PCDH15: variants seen among roughly 807,000 people sequenced by gnomAD.
The protein encoded by PCDH15 is protocadherin related 15, also known as protocadherin-15.
PCDH15 carries 129 observed loss-of-function variants against 178.5 expected under a neutral mutation model. The ratio of observed to expected loss-of-function variants is 0.72; its 90% CI spans 0.63 to 0.84. The LOEUF (loss-of-function observed/expected upper bound fraction) is 0.84, where lower values mean the gene tolerates loss of function less well. Among genes scored for constraint, PCDH15 ranks in the 40% least tolerant of loss-of-function variants. The pLI is 0.00. For synonymous variants in PCDH15, 800 were observed against 732.0 expected, an observed-to-expected ratio of 1.09 and a Z score of -1.50; for missense variants, 2,230 against 2,099.9, an observed-to-expected ratio of 1.06 and a Z score of -1.21.
chr10:54,928,122 G>A (rs1591789182), intron 2 of PCDH15, among the ~76,000 whole-genome samples: 1 of 152,090 alleles, frequency 6.6e-6, no homozygotes, highest in East Asian at 1.9e-4. Context: ...CTCTTGTAAG[G>A]CAGGTCTGGT....
At chr10:55,252,860 C>A (rs1392275935) in intron 1 of PCDH15, among the ~76,000 whole-genome samples, 1 of 151,856 alleles carries the variant, frequency 6.6e-6, no homozygotes, top group Non-Finnish European at 1.5e-5. Flanking sequence ...ACTAAAGAAA[C>A]CTGTAAAATA....
chr10:54,315,944 GTTTGTTTGTT>G (rs1564944450), intron 8 of PCDH15, among the ~76,000 whole-genome samples: 1 of 127,402 alleles, frequency 7.8e-6, no homozygotes, highest in African/African-American at 3.0e-5. Context: ...TTTTTTGTTT[GTTTGTTTGTT>G]TTTGTTTTTG....
At chr10:55,302,953 C>A (rs536056021) in intron 1 of PCDH15, among the ~76,000 whole-genome samples, 36 of 152,180 alleles carry the variant, frequency 2.4e-4, no homozygotes, top group African/African-American at 8.7e-4. Context: ...GAGTGATCTT[C>A]ACTTATCTCC....
At chr10:55,290,262 G>A (rs776294624) in intron 1 of PCDH15, among the ~76,000 whole-genome samples, 1 of 151,784 alleles carries the variant, frequency 6.6e-6, no homozygotes, top group Non-Finnish European at 1.5e-5. Context: ...CTATAAATGT[G>A]TATATTCCTA....
At chr10:54,359,764 C>T (rs1309815662) in intron 5 of PCDH15, among the ~76,000 whole-genome samples, 2 of 151,802 alleles carry the variant, frequency 1.3e-5, no homozygotes, top group African/African-American at 4.8e-5. Context: ...TTTTGTGTGT[C>T]TGCTAATTGA....
At chr10:54,596,770 G>A (rs916617979) in intron 2 of PCDH15, among the ~76,000 whole-genome samples, 3 of 151,838 alleles carry the variant, frequency 2.0e-5, no homozygotes, top group Non-Finnish European at 4.4e-5. Context: ...CATGCAAAGA[G>A]AACACAGAAA....
chr10:54,363,049 T>C (rs1428009542), intron 5 of PCDH15, among the ~76,000 whole-genome samples: 6 of 152,108 alleles, frequency 3.9e-5, no homozygotes, highest in Admixed American at 1.3e-4. Flanking sequence ...CGTAGAAATA[T>C]ATATGTTATA....
At chr10:54,870,613 G>T (rs1210624174) in intron 3 of PCDH15, among the ~76,000 whole-genome samples, 1 of 151,614 alleles carries the variant, frequency 6.6e-6, no homozygotes, top group Admixed American at 6.6e-5. Context: ...GTGAAAACCC[G>T]TCTCTACTAA....
chr10:54,289,399 C>T (rs2132951376), intron 8 of PCDH15, among the ~76,000 whole-genome samples: 1 of 152,346 alleles, frequency 6.6e-6, no homozygotes, highest in Admixed American at 6.5e-5. Flanking sequence ...GGGTCACCAA[C>T]ATCAAAGACC....
At position 55,176,049 on chromosome 10, in the gene PCDH15, C is replaced by T. The variant is rs916772786; in HGVS notation, c.-155-9398G>A. ...CAAGCAGGACTGATGGGTCCAAGGG[C>T]TCCTCTCTCCAGCTCCGACGACTCA... On this transcript the variant is annotated intron_variant, in intron 1 of 5. Transcript: ENST00000458638. Among the ~76,000 whole-genome samples the T allele has an allele frequency of 2.1e-4, 32 of 152,130 alleles. No individual in the cohort carries two copies. In the East Asian group the frequency reaches 5.5e-3, roughly 26 times the overall value.
chr10:54,716,154 G>T (rs2095477355), intron 1 of PCDH15, among the ~76,000 whole-genome samples: 1 of 152,108 alleles, frequency 6.6e-6, no homozygotes, highest in African/African-American at 2.4e-5. Context: ...GGGTGGGCCT[G>T]CTCAGTCTGG....
At chr10:55,088,452 T>G (rs1221739670) in intron 2 of PCDH15, among the ~76,000 whole-genome samples, 1 of 151,900 alleles carries the variant, frequency 6.6e-6, no homozygotes, top group Non-Finnish European at 1.5e-5. Flanking sequence ...TGTATTTTTT[T>G]TAGTAAAGAT....
At chr10:55,332,805 C>A (rs778350355) in intron 2 of PCDH15, among the ~76,000 whole-genome samples, 1 of 152,148 alleles carries the variant, frequency 6.6e-6, no homozygotes, top group Non-Finnish European at 1.5e-5. Flanking sequence ...ATGTAAGACA[C>A]GCCTTTCGCC....
intron 3 of PCDH15, among the ~76,000 whole-genome samples, chr10:54,395,549 A>T (rs866181414): frequency 6.6e-6 from 1 of 152,032 alleles, no homozygotes; most frequent in Admixed American, 6.6e-5. Context: ...TCATTTAGAT[A>T]TAATTATAAT....
chr10:53,969,300 T>C (rs1046015104), intron 21 of PCDH15, among the ~76,000 whole-genome samples: 1 of 151,782 alleles, frequency 6.6e-6, no homozygotes, highest in Non-Finnish European at 1.5e-5. Context: ...AGAAGAGAAG[T>C]TTAGAGAAAA....
intron 3 of PCDH15, among the ~76,000 whole-genome samples, chr10:54,817,089 T>A (rs1952960341): frequency 6.6e-6 from 1 of 152,072 alleles, no homozygotes; most frequent in Non-Finnish European, 1.5e-5. Context: ...TGTTGTGGTT[T>A]ACTCATTAAA....
At chr10:55,111,544 A>T (rs1421110171) in intron 2 of PCDH15, among the ~76,000 whole-genome samples, 19 of 151,546 alleles carry the variant, frequency 1.3e-4, no homozygotes, top group African/African-American at 4.4e-4. Flanking sequence ...AAAAAAAAAA[A>T]TTTAAAAAAG....
chr10:55,581,823 C>T (rs1243278993), intron 2 of PCDH15, among the ~76,000 whole-genome samples: 1 of 152,108 alleles, frequency 6.6e-6, no homozygotes, highest in Admixed American at 6.5e-5. Flanking sequence ...TGCACACACA[C>T]ACTGTTACAC....
At chr10:54,693,254 C>CTCTT (rs559717631) in intron 1 of PCDH15, among the ~76,000 whole-genome samples, 19 of 151,928 alleles carry the variant, frequency 1.3e-4, no homozygotes, top group Non-Finnish European at 2.8e-4. Flanking sequence ...AACTGACGCT[C>CTCTT]TCTTTCTTTC....
Sources: gnomAD v4.1 joint callset for allele counts (sites outside exome capture counted in the v4.1 genomes callset) on GRCh38, gnomAD v4.1.1 for gene constraint, MANE v1.5 for transcripts, NCBI Gene and HGNC (gene_info 2026-07-23, HGNC 2026-07-21) for gene names.